The following CCDC171 variants were observed in gnomAD, a reference collection of about 807,000 sequenced individuals.
CCDC171 encodes coiled-coil domain-containing protein 171.
CCDC171 carries 177 observed loss-of-function variants against 168.2 expected under a neutral mutation model. That is an observed-to-expected ratio of 1.05 (90% CI 0.93 to 1.19). CCDC171 has a LOEUF of 1.19. Ranked by LOEUF, CCDC171 falls within the 50% of genes most tolerant of loss-of-function variation. The pLI is 0.00. For missense variants in CCDC171, 1,991 were observed against 1,539.0 expected (o/e 1.29, Z -4.91); for synonymous variants, 687 against 540.8 (o/e 1.27, Z -3.75).
At chr9:15,650,580 TTTATC>T (rs906601242) in intron 7 of CCDC171, among the ~76,000 whole-genome samples, 5 of 152,298 alleles carry the variant, frequency 3.3e-5, no homozygotes, top group African/African-American at 1.2e-4. Flanking sequence ...GAGTTGTCCT[TTTATC>T]GTATGATTTC....
intron 23 of CCDC171, among the ~76,000 whole-genome samples, chr9:15,865,675 A>G (rs975183988): frequency 2.6e-5 from 4 of 152,058 alleles, no homozygotes; most frequent in African/African-American, 9.7e-5. Context: ...TATAGTATAT[A>G]ATACACATAA....
intron 3 of CCDC171, among the ~76,000 whole-genome samples, chr9:16,010,027 C>G (rs1589322072): frequency 6.6e-6 from 1 of 152,172 alleles, no homozygotes; most frequent in Non-Finnish European, 1.5e-5. Flanking sequence ...AGAACCATTT[C>G]ATAGTGTGAG....
chr9:16,010,323 A>G (rs532322517), intron 3 of CCDC171, among the ~76,000 whole-genome samples: 1 of 152,256 alleles, frequency 6.6e-6, no homozygotes, highest in East Asian at 1.9e-4. Flanking sequence ...AACTTCTTGG[A>G]CTGAATATTT....
chr9:15,648,805 G>T (rs773113677), intron 7 of CCDC171, among the ~76,000 whole-genome samples: 1 of 152,162 alleles, frequency 6.6e-6, no homozygotes, highest in Non-Finnish European at 1.5e-5. Flanking sequence ...TAAATATCAT[G>T]AAAATGGCCA....
chr9:16,087,019 T>A, the CCDC171 span, among the ~76,000 whole-genome samples: 1 of 152,230 alleles, frequency 6.6e-6, no homozygotes, highest in Non-Finnish European at 1.5e-5. Context: ...GGTTGTTCAG[T>A]TTCCATGTAG....
intron 16 of CCDC171, among the ~76,000 whole-genome samples, chr9:15,739,383 T>C (rs1410891126): frequency 2.0e-5 from 3 of 152,142 alleles, no homozygotes; most frequent in Non-Finnish European, 4.4e-5. Context: ...AATTCTTTAC[T>C]GGGGAAGACG....
chr9:15,750,039 G>GTTT (rs141719913), intron 18 of CCDC171, among the ~76,000 whole-genome samples: 1 of 146,284 alleles, frequency 6.8e-6, no homozygotes, highest in Non-Finnish European at 1.5e-5. Flanking sequence ...TCCAGGAGCT[G>GTTT]TTTTTTTTTT....
At chr9:15,626,277 C>T (rs1386093907) in intron 7 of CCDC171, among the ~76,000 whole-genome samples, 5 of 152,158 alleles carry the variant, frequency 3.3e-5, no homozygotes, top group Non-Finnish European at 5.9e-5. Context: ...AATTTGACTT[C>T]CTCTTTTCCT....
At chr9:15,714,636 G>C (rs914366482) in intron 11 of CCDC171, among the ~76,000 whole-genome samples, 1 of 152,126 alleles carries the variant, frequency 6.6e-6, no homozygotes, top group African/African-American at 2.4e-5. Context: ...ATGTTTCTTT[G>C]AGGAAGGTTA....
intron 10 of CCDC171, among the ~76,000 whole-genome samples, chr9:15,691,726 G>A (rs1183524716): frequency 4.0e-5 from 6 of 151,814 alleles, no homozygotes; most frequent in East Asian, 3.9e-4. Flanking sequence ...CGCCCAGGCC[G>A]GAGTGCAGTG....
chr9:15,821,868 A>G lies in CCDC171; in HGVS notation c.3268-24834A>G, dbSNP rs545419997. Reference sequence around the variant, plus strand: ...CATATGGAACCAAAAAAGAGCCCGCATCGCCAAGTCAATCCTAAGCCAAAA... The same window carrying G: ...CATATGGAACCAAAAAAGAGCCCGCGTCGCCAAGTCAATCCTAAGCCAAAA... On this transcript the variant is annotated intron_variant, in intron 21 of 25. Coordinates refer to ENST00000380701, the MANE Select transcript of CCDC171 (RefSeq NM_173550.4). 4.4e-3 allele frequency among the ~76,000 whole-genome samples: 230 copies of G among 52,510 alleles called. 65 individuals carry two copies. The highest frequency in any genetic ancestry group is 0.016 in the African/African-American group (221 of 13,966). The allele number at this position is 52,510 out of a possible 152,430, so 34.4% of individuals were successfully genotyped here. A position where few individuals can be genotyped will look rare whatever the true frequency, so the allele number is the denominator to read the frequency against.
intron 21 of CCDC171, among the ~76,000 whole-genome samples, chr9:15,824,269 C>G (rs991334121): frequency 6.6e-6 from 1 of 151,672 alleles, no homozygotes; most frequent in African/African-American, 2.4e-5. Context: ...ACATATATGT[C>G]TATATACAAT....
At chr9:16,014,594 T>G (rs1324126330) in intron 3 of CCDC171, among the ~76,000 whole-genome samples, 1 of 152,208 alleles carries the variant, frequency 6.6e-6, no homozygotes, top group African/African-American at 2.4e-5. Context: ...TGAAATGTAT[T>G]TCTTAAATAA....
At chr9:15,651,880 A>C (rs569814090) in intron 7 of CCDC171, among the ~76,000 whole-genome samples, 1 of 152,060 alleles carries the variant, frequency 6.6e-6, no homozygotes, top group South Asian at 2.1e-4. Flanking sequence ...GCTATCTGAG[A>C]ATCCATTGCC....
intron 23 of CCDC171, among the ~76,000 whole-genome samples, chr9:15,874,128 T>C (rs1026322133): frequency 1.3e-5 from 2 of 152,274 alleles, no homozygotes; most frequent in Admixed American, 6.5e-5. Context: ...TCTTGTCCAA[T>C]ATGTATCAGT....
intron 24 of CCDC171, among the ~76,000 whole-genome samples, chr9:15,916,990 G>C (rs1422868215): frequency 6.6e-6 from 1 of 151,926 alleles, no homozygotes; most frequent in Admixed American, 6.6e-5. Flanking sequence ...ATATCATGCT[G>C]TTTTGTCATT....
downstream of CCDC171, among the ~76,000 whole-genome samples, chr9:15,975,204 C>T (rs1831583228): frequency 6.6e-6 from 1 of 152,156 alleles, no homozygotes; most frequent in South Asian, 2.1e-4. Context: ...GAGTTTCCAT[C>T]ACCATTTTAG....
intron 25 of CCDC171, among the ~76,000 whole-genome samples, chr9:15,970,851 C>T (rs139004351): frequency 6.6e-6 from 1 of 151,990 alleles, no homozygotes; most frequent in African/African-American, 2.4e-5. Flanking sequence ...GACTGAGCAC[C>T]AGGGACTATG....
chr9:15,989,179 A>T (rs557082719), intron 3 of CCDC171, among the ~76,000 whole-genome samples: 1 of 152,190 alleles, frequency 6.6e-6, no homozygotes, highest in Non-Finnish European at 1.5e-5. Flanking sequence ...GGCATCCCCC[A>T]GTAGGGGCAG....
Sources: allele counts gnomAD v4.1 joint callset (sites outside exome capture counted in the v4.1 genomes callset), GRCh38; gene constraint gnomAD v4.1.1; transcripts MANE v1.5; gene names NCBI Gene and HGNC (gene_info 2026-07-23, HGNC 2026-07-21).